The following ZMYM2 variants were observed in gnomAD, a reference collection of about 807,000 sequenced individuals.
ZMYM2 encodes the protein zinc finger MYM-type containing 2.
In ZMYM2, 56 loss-of-function variants were observed where a neutral mutation model predicts 162.8. That is an observed-to-expected ratio of 0.34 (90% CI 0.28 to 0.43). The LOEUF is 0.43. Ranked by LOEUF, ZMYM2 falls within the 20% of genes least tolerant of loss-of-function variation. The pLI, the probability that ZMYM2 is intolerant of heterozygous loss-of-function variation, is 1.00. For synonymous variants in ZMYM2, 510 were observed against 541.6 expected, an observed-to-expected ratio of 0.94 and a Z score of 0.81; for missense variants, 1,275 against 1,621.8, an observed-to-expected ratio of 0.79 and a Z score of 3.67.
intron 7 of ZMYM2, among the ~76,000 whole-genome samples, chr13:20,020,516 G>A (rs961707732): frequency 6.6e-6 from 1 of 152,064 alleles, no homozygotes; most frequent in Non-Finnish European, 1.5e-5. Context: ...GAGCCACCGC[G>A]CCCGGCCCAT....
chr13:20,004,090 A>G (rs1048690881), intron 4 of ZMYM2, among the ~76,000 whole-genome samples: 4 of 152,210 alleles, frequency 2.6e-5, no homozygotes, highest in African/African-American at 9.7e-5. Context: ...TAGATCTTGA[A>G]TTTTACAAAG....
chr13:19,917,170 G>A, the ZMYM2 span, among the ~76,000 whole-genome samples: 1 of 151,878 alleles, frequency 6.6e-6, no homozygotes, highest in Non-Finnish European at 1.5e-5. Context: ...CACTGTGTTA[G>A]CCAGGATGGT....
intron 23 of ZMYM2, 104 bp downstream of exon 23, chr13:20,083,136 C>T (rs1958016570): frequency 8.3e-7 from 1 of 1,210,048 alleles, no homozygotes. Context: ...AGTCTCGGCT[C>T]ACCGCAACCT....
At chr13:19,989,444 C>T (rs1949431400) in intron 2 of ZMYM2, among the ~76,000 whole-genome samples, 1 of 152,110 alleles carries the variant, frequency 6.6e-6, no homozygotes, top group South Asian at 2.1e-4. Flanking sequence ...GCTGGAATTA[C>T]AGGTGCATGC....
the ZMYM2 span, among the ~76,000 whole-genome samples, chr13:19,949,110 A>AAG: frequency 3.3e-5 from 5 of 151,504 alleles, no homozygotes; most frequent in Admixed American, 6.6e-5. Context: ...TCACAAAAAA[A>AAG]AAAACTACAA....
chr13:19,880,774 T>C, the ZMYM2 span, among the ~76,000 whole-genome samples: 3 of 152,342 alleles, frequency 2.0e-5, no homozygotes, highest in Non-Finnish European at 1.5e-5. Flanking sequence ...TCACTGTTAG[T>C]GTGTAGAAAT....
At chr13:20,030,891 G>A (rs1045251268) in intron 9 of ZMYM2, among the ~76,000 whole-genome samples, 22 of 152,268 alleles carry the variant, frequency 1.4e-4, no homozygotes, top group Non-Finnish European at 1.3e-4. Context: ...GGATGCAGTG[G>A]CACAAAACAT....
In ZMYM2 at chr13:20,083,007, T is replaced by A; in HGVS notation, c.3795T>A (p.Ser1265=). Residue 1265 remains serine (S), a synonymous_variant, in exon 23 of 25, where the codon TCT becomes TCA. Transcript: ENST00000610343. ...ENKACLRYQV[S]SLCGTDNEDK... Reference sequence around the variant, plus strand: ...AAGCGTGTCTTCGATACCAAGTGTCTTCCTTGTGTGGAACAGATAATGAAG... The same window carrying A: ...AAGCGTGTCTTCGATACCAAGTGTCATCCTTGTGTGGAACAGATAATGAAG... The A allele has an allele frequency of 1.2e-6, 2 of 1,613,360 alleles. No homozygotes were observed. Among genetic ancestry groups the A allele is most frequent in the Non-Finnish European group, 1.7e-6 (2 of 1,179,500 alleles).
At chr13:20,010,058 G>C (rs1168165078) in intron 6 of ZMYM2, among the ~76,000 whole-genome samples, 1 of 151,996 alleles carries the variant, frequency 6.6e-6, no homozygotes, top group Non-Finnish European at 1.5e-5. Context: ...CTATATCTTT[G>C]CCAACACTTG....
Position 20,026,670 on chromosome 13 carries a change from T to C in ZMYM2, c.1643T>C (p.Met548Thr), listed in dbSNP as rs747243543. ...CGAACACAGTGCAGGTTTTTTGATATGACTCAGTGTATAGGTCCTAATGGA... is the reference window on the plus strand; with the variant it reads ...CGAACACAGTGCAGGTTTTTTGATACGACTCAGTGTATAGGTCCTAATGGA... The part of the protein sequence containing the change: ...GCRTQCRFFD[M>T]TQCIGPNGYM... The change falls in exon 8 of 25, where the codon ATG becomes ACG. Residue 548 changes from methionine to threonine, a missense_variant. By Grantham distance (81) the Met-to-Thr change is moderately conservative (BLOSUM62 -1). This residue lies in a region of ZMYM2 where 276 missense variants were observed against 311.8 expected (regional missense o/e 0.89). Coordinates refer to ENST00000610343, the MANE Select transcript of ZMYM2 (RefSeq NM_197968.4). 3.7e-6 allele frequency: 6 copies of C among 1,610,804 alleles called. No homozygotes were observed. Among genetic ancestry groups the C allele is most frequent in the East Asian group, 2.2e-5 (1 of 44,758 alleles).
intron 15 of ZMYM2, among the ~76,000 whole-genome samples, chr13:20,059,218 TA>T (rs544871334): frequency 0.014 from 2,074 of 145,540 alleles, 43 homozygotes; most frequent in African/African-American, 0.041. Context: ...TTTTCTTTCT[TA>T]AAAAAAAAAA....
the ZMYM2 span, among the ~76,000 whole-genome samples, chr13:19,880,659 G>C: frequency 6.6e-6 from 1 of 151,882 alleles, no homozygotes; most frequent in Non-Finnish European, 1.5e-5. Flanking sequence ...GAACTCCTGA[G>C]CTCAGGCGAT....
the ZMYM2 span, among the ~76,000 whole-genome samples, chr13:19,931,513 T>G: frequency 6.6e-6 from 1 of 152,232 alleles, no homozygotes; most frequent in Non-Finnish European, 1.5e-5. Flanking sequence ...CCACGATCCT[T>G]TTACTGTCTT....
At chr13:19,957,715 G>A (rs1175414113), upstream of ZMYM2, among the ~76,000 whole-genome samples, 1 of 152,264 alleles carries the variant, frequency 6.6e-6, no homozygotes. Context: ...GGCCTGGGCA[G>A]GGCCAGCGCC....
chr13:20,062,304 A>G (rs1261914335), intron 17 of ZMYM2, among the ~76,000 whole-genome samples: 1 of 152,236 alleles, frequency 6.6e-6, no homozygotes, highest in Admixed American at 6.5e-5. Flanking sequence ...TTGTGAAACC[A>G]GTGTGTATAC....
chr13:20,016,060 G>A (rs1176177168), intron 6 of ZMYM2, among the ~76,000 whole-genome samples: 2 of 151,554 alleles, frequency 1.3e-5, no homozygotes, highest in Non-Finnish European at 2.9e-5. Flanking sequence ...TTTTTTTTCG[G>A]TATATTCTAT....
At chr13:19,887,710 T>C in the ZMYM2 span, among the ~76,000 whole-genome samples, 11 of 151,948 alleles carry the variant, frequency 7.2e-5, no homozygotes, top group African/African-American at 2.7e-4. Context: ...GAAGAGATTA[T>C]TTTCTTGTTT....
chr13:19,892,252 GATTTATTTATTTTT>G, the ZMYM2 span, among the ~76,000 whole-genome samples: 3 of 151,262 alleles, frequency 2.0e-5, no homozygotes, highest in Non-Finnish European at 4.4e-5. Flanking sequence ...CTTCATTAAT[GATTTATTTATTTTT>G]ATTTATTTAT....
At chr13:20,034,222 T>C in intron 10 of ZMYM2, 32 bp from the exon 11 acceptor site, 1 of 694,198 alleles carries the variant, frequency 1.4e-6, no homozygotes, top group Non-Finnish European at 2.1e-6. Flanking sequence ...CTTGTCGTCA[T>C]ATACTTACCA....
Sources: allele counts gnomAD v4.1 joint callset (sites outside exome capture counted in the v4.1 genomes callset), GRCh38; gene constraint gnomAD v4.1.1; regional missense constraint gnomAD v4.1.1; transcripts MANE v1.5; gene names NCBI Gene and HGNC (gene_info 2026-07-23, HGNC 2026-07-21).